Variants in CNTLN observed in about 807,000 individuals in gnomAD.
CNTLN encodes the protein centlein, also known as centlein, centrosomal protein.
In CNTLN, 212 loss-of-function variants were observed where a neutral mutation model predicts 180.0. The observed-to-expected ratio is 1.18, with a 90% confidence interval of 1.05 to 1.32. The LOEUF (loss-of-function observed/expected upper bound fraction) is 1.32. Ranked by LOEUF, CNTLN falls within the 40% of genes most tolerant of loss-of-function variation. CNTLN has a pLI of 0.00. For synonymous variants in CNTLN, 722 were observed against 563.1 expected (o/e 1.28, Z -3.99); for missense variants, 2,095 against 1,610.9 (o/e 1.30, Z -5.14).
intron 6 of CNTLN, among the ~76,000 whole-genome samples, chr9:17,280,804 T>C (rs983706311): frequency 2.0e-5 from 3 of 152,222 alleles, no homozygotes; most frequent in Non-Finnish European, 4.4e-5. Flanking sequence ...TAGCATTGTT[T>C]ATCCCAGTCT....
intron 7 of CNTLN, among the ~76,000 whole-genome samples, chr9:17,303,385 C>G (rs1759453): frequency 2.6e-5 from 4 of 151,968 alleles, no homozygotes; most frequent in African/African-American, 9.7e-5. Flanking sequence ...TTTCATTGCT[C>G]TCTTTTTGGT....
At chr9:17,442,850 A>C (rs1026705004) in intron 18 of CNTLN, among the ~76,000 whole-genome samples, 2 of 152,254 alleles carry the variant, frequency 1.3e-5, no homozygotes, top group African/African-American at 4.8e-5. Flanking sequence ...TGTACTGTAC[A>C]CTTGAAAATT....
intron 8 of CNTLN, among the ~76,000 whole-genome samples, chr9:17,326,770 A>T (rs1350803986): frequency 6.6e-6 from 1 of 152,100 alleles, no homozygotes; most frequent in East Asian, 1.9e-4. Context: ...AAAACTCATA[A>T]CCCCAGTCTA....
intron 1 of CNTLN, among the ~76,000 whole-genome samples, chr9:17,137,240 T>G (rs1817782213): frequency 6.6e-6 from 1 of 152,214 alleles, no homozygotes; most frequent in African/African-American, 2.4e-5. Flanking sequence ...TTTGTAATAT[T>G]AATACTCTTA....
intron 7 of CNTLN, chr9:17,298,728 T>A (rs679666): frequency 1.1e-5 from 11 of 990,274 alleles, no homozygotes; most frequent in African/African-American, 1.7e-5. Context: ...ATTGTAAAAT[T>A]TGTACATTAT....
At chr9:17,179,440 A>C (rs929223170) in intron 2 of CNTLN, among the ~76,000 whole-genome samples, 1 of 152,074 alleles carries the variant, frequency 6.6e-6, no homozygotes, top group African/African-American at 2.4e-5. Context: ...CTGTATGACC[A>C]AGGATTATGT....
intron 12 of CNTLN, among the ~76,000 whole-genome samples, chr9:17,365,608 A>G (rs1823753291): frequency 6.6e-6 from 1 of 152,122 alleles, no homozygotes; most frequent in Admixed American, 6.5e-5. Flanking sequence ...TCTTGTTTTC[A>G]GTGTTATGTA....
At chr9:17,355,719 T>A (rs1433708583) in intron 12 of CNTLN, among the ~76,000 whole-genome samples, 1 of 152,174 alleles carries the variant, frequency 6.6e-6, no homozygotes, top group African/African-American at 2.4e-5. Context: ...TTATGTGCAA[T>A]AATTAATGAG....
At chr9:17,454,752 A>G (rs1488259359) in intron 18 of CNTLN, among the ~76,000 whole-genome samples, 1 of 152,208 alleles carries the variant, frequency 6.6e-6, no homozygotes, top group Non-Finnish European at 1.5e-5. Context: ...TTTTTAAATG[A>G]GGAAACAAAG....
intron 11 of CNTLN, 145 bp downstream of exon 11, chr9:17,341,093 A>G (rs1821446593): frequency 1.4e-6 from 1 of 693,344 alleles, no homozygotes. Flanking sequence ...AATGGAGAAT[A>G]TAACAAATTA....
rs1472201762 is a variant in CNTLN, at chr9:17,143,366, G to A, written c.439G>A (p.Val147Ile). ...NPDLTQVVSL[V>I]VEREKQKSEA... ...AGATCTCACACAAGTGGTCAGTTTG[G>A]TTGTGGAAAGGTGAGCTCTCAAATT... The change falls in exon 2 of 26, where the codon GTT becomes ATT. Residue 147 changes from valine to isoleucine, a missense_variant. Transcript: ENST00000380647. 13 of 1,612,998 alleles carry A rather than the reference G, an allele frequency of 8.1e-6. No homozygotes were observed. Among genetic ancestry groups the A allele is most frequent in the African/African-American group, 5.3e-5 (4 of 74,882 alleles).
intron 6 of CNTLN, among the ~76,000 whole-genome samples, chr9:17,288,579 C>T (rs1396459989): frequency 2.4e-4 from 31 of 128,316 alleles, no homozygotes; most frequent in African/African-American, 1.0e-3. Flanking sequence ...CTTTCTGTCT[C>T]GTTGATCTGT....
intron 8 of CNTLN, among the ~76,000 whole-genome samples, chr9:17,330,134 T>C (rs1225707589): frequency 6.6e-6 from 1 of 152,048 alleles, no homozygotes; most frequent in Non-Finnish European, 1.5e-5. Flanking sequence ...CTGTAAACTA[T>C]ATTGACTTAA....
the CNTLN span, among the ~76,000 whole-genome samples, chr9:17,525,005 C>G: frequency 6.6e-6 from 1 of 152,106 alleles, no homozygotes; most frequent in African/African-American, 2.4e-5. Flanking sequence ...GAAATAAAGA[C>G]AAAAACAAGA....
At chr9:17,509,994 G>A in the CNTLN span, among the ~76,000 whole-genome samples, 3 of 152,122 alleles carry the variant, frequency 2.0e-5, no homozygotes, top group African/African-American at 7.2e-5. Flanking sequence ...CTACCAAGGG[G>A]AAATTGGACT....
At chr9:17,363,236 C>T (rs984019860) in intron 12 of CNTLN, among the ~76,000 whole-genome samples, 8 of 152,072 alleles carry the variant, frequency 5.3e-5, no homozygotes, top group South Asian at 4.1e-4. Flanking sequence ...CTGGGTATAC[C>T]CAGTAATGGG....
At chr9:17,499,064 T>G (rs1389949719) in intron 25 of CNTLN, among the ~76,000 whole-genome samples, 1 of 152,214 alleles carries the variant, frequency 6.6e-6, no homozygotes, top group Non-Finnish European at 1.5e-5. Context: ...TCTCTTGTTC[T>G]TAGTGTTTTT....
At chr9:17,231,460 TA>T (rs1824810254) in intron 3 of CNTLN, among the ~76,000 whole-genome samples, 1 of 152,102 alleles carries the variant, frequency 6.6e-6, no homozygotes, top group Non-Finnish European at 1.5e-5. Flanking sequence ...TTGTCACTGT[TA>T]TAAAACAATG....
intron 18 of CNTLN, among the ~76,000 whole-genome samples, chr9:17,435,344 T>G (rs1274925585): frequency 2.0e-5 from 3 of 152,210 alleles, no homozygotes; most frequent in African/African-American, 7.2e-5. Context: ...CTGGACTTAG[T>G]TATTTTTATG....
Sources: gnomAD v4.1 joint callset for allele counts (sites outside exome capture counted in the v4.1 genomes callset) on GRCh38, gnomAD v4.1.1 for gene constraint, MANE v1.5 for transcripts, NCBI Gene and HGNC (gene_info 2026-07-23, HGNC 2026-07-21) for gene names.